The following MRC1 variants were observed in gnomAD, a reference collection of about 807,000 sequenced individuals.
MRC1 encodes mannose receptor C-type 1.
In MRC1, 62 loss-of-function variants were observed where a neutral mutation model predicts 102.9. The ratio of observed to expected loss-of-function variants is 0.60; its 90% CI spans 0.49 to 0.74. The LOEUF is 0.74. MRC1 is among the 30% of genes least tolerant of loss of function. MRC1 has a pLI of 0.00. For synonymous variants in MRC1, 457 were observed against 298.4 expected (o/e 1.53, Z -5.48); for missense variants, 1,237 against 862.8 (o/e 1.43, Z -5.43).
In MRC1 at chr10:17,910,472, A is replaced by G; in HGVS notation, c.*7A>G. 2.6e-6 allele frequency: 2 copies of G among 780,852 alleles called. No homozygotes were observed. Among genetic ancestry groups the G allele is most frequent in the Non-Finnish European group, 4.8e-6 (2 of 417,942 alleles). 48.4% of individuals were successfully genotyped at this position (780,852 alleles called of 1,614,324 possible). A position where few individuals can be genotyped will look rare whatever the true frequency, so the allele number is the denominator to read the frequency against. On this transcript the variant is annotated 3_prime_UTR_variant, in exon 30 of 30. Transcript: ENST00000569591. Reference sequence around the variant, plus strand: ...TGAACACTCGGTCATCTAGTACCTCAATGCGATTCTGAGATATTTGAATTT... The same window carrying G: ...TGAACACTCGGTCATCTAGTACCTCGATGCGATTCTGAGATATTTGAATTT...
At chr10:17,820,543 C>G (rs1014871239) in intron 1 of MRC1, among the ~76,000 whole-genome samples, 1 of 152,074 alleles carries the variant, frequency 6.6e-6, no homozygotes, top group African/African-American at 2.4e-5. Context: ...AGTTAATTGA[C>G]TGAATTTGAC....
At chr10:17,903,402 T>C (rs1188037306) in intron 26 of MRC1, among the ~76,000 whole-genome samples, 2 of 139,336 alleles carry the variant, frequency 1.4e-5, no homozygotes, top group Non-Finnish European at 1.6e-5. Context: ...CTTTTTTTTT[T>C]TTTTTTTTTT....
At chr10:17,827,359 G>T (rs1838492224) in intron 2 of MRC1, among the ~76,000 whole-genome samples, 183 bp from the exon 3 acceptor site, 1 of 53,534 alleles carries the variant, frequency 1.9e-5, no homozygotes, top group African/African-American at 7.1e-5. Flanking sequence ...GAAGGAGAAG[G>T]AAAAAAAATA....
chr10:17,906,342 C>T (rs1833894929), intron 26 of MRC1, among the ~76,000 whole-genome samples: 1 of 148,758 alleles, frequency 6.7e-6, no homozygotes, highest in African/African-American at 2.5e-5. Context: ...GTGCTATACT[C>T]CAGCCAAACC....
chr10:17,877,821 A>T, intron 17 of MRC1, 79 bp from the exon 18 acceptor site: 1 of 864,026 alleles, frequency 1.2e-6, no homozygotes, highest in Non-Finnish European at 2.0e-6. Context: ...AGGCTGCCTC[A>T]TTAACATGTA....
At chr10:17,815,379 G>A (rs200943168) in intron 1 of MRC1, among the ~76,000 whole-genome samples, 30,824 of 152,126 alleles carry the variant, frequency 0.2, 3,395 homozygotes, top group Non-Finnish European at 0.25. Flanking sequence ...AGAGCAGTGT[G>A]GTGTCAGCTT....
intron 1 of MRC1, among the ~76,000 whole-genome samples, chr10:17,817,651 TGTAA>T (rs1838333190): frequency 6.6e-6 from 1 of 152,184 alleles, no homozygotes; most frequent in Non-Finnish European, 1.5e-5. Flanking sequence ...ATTTCTGATG[TGTAA>T]GTATTAAAAA....
At chr10:17,907,319 C>T (rs1362156910) in intron 27 of MRC1, among the ~76,000 whole-genome samples, 8 of 152,074 alleles carry the variant, frequency 5.3e-5, no homozygotes, top group South Asian at 4.1e-4. Flanking sequence ...ATTAGAAATA[C>T]GGTTTTAACT....
chr10:17,886,459 G>A (rs1197549874), intron 22 of MRC1, among the ~76,000 whole-genome samples: 24 of 152,006 alleles, frequency 1.6e-4, no homozygotes, highest in African/African-American at 4.8e-4. Flanking sequence ...CTGGAGTGCA[G>A]TGGCATGATC....
chr10:17,824,547 C>T lies in MRC1; in HGVS notation c.463+1072C>T, dbSNP rs1051874664. 2.6e-3 allele frequency among the ~76,000 whole-genome samples: 398 copies of T among 152,100 alleles called. 1 individual carries two copies. The highest frequency in any genetic ancestry group is 9.0e-3 in the African/African-American group (375 of 41,502). On this transcript the variant is annotated intron_variant, in intron 2 of 29. Coordinates refer to ENST00000569591, the MANE Select transcript of MRC1 (RefSeq NM_002438.4). The stretch of plus-strand genomic sequence containing the variant: ...AGAAGGGAGAGTAGGAATTGAAGTA[C>T]GGTGAGAGAAGGGCTCAGAAATAAG...
chr10:17,900,677 G>T (rs1277040909), intron 24 of MRC1, 111 bp from the exon 25 acceptor site: 4 of 764,030 alleles, frequency 5.2e-6, no homozygotes, highest in Non-Finnish European at 9.7e-6. Flanking sequence ...AATGTTCCAG[G>T]TTCTATGTCA....
At position 17,910,955 on chromosome 10, in the gene MRC1, T is replaced by TTTA. The variant is rs1358806556; in HGVS notation, c.*493_*495dup. 5.6e-6 allele frequency: 1 copy of TTTA among 178,476 alleles called. No homozygotes were observed. Among genetic ancestry groups the TTTA allele is most frequent in the Non-Finnish European group, 1.2e-5 (1 of 82,834 alleles). 11.1% of individuals were successfully genotyped at this position (178,476 alleles called of 1,614,324 possible). ...TATTTCCACTCCAATTATTTAGAAC[T>TTTA]TTATTTGTACATGTGCAGAAGAATA... On this transcript the variant is annotated 3_prime_UTR_variant, in exon 30 of 30. Coordinates refer to ENST00000569591, the MANE Select transcript of MRC1 (RefSeq NM_002438.4).
chr10:17,853,864 C>G (rs934550273), intron 8 of MRC1, among the ~76,000 whole-genome samples: 17 of 152,166 alleles, frequency 1.1e-4, no homozygotes, highest in East Asian at 5.8e-4. Flanking sequence ...GATTAAGAGG[C>G]TGAGTTTTGC....
intron 5 of MRC1, among the ~76,000 whole-genome samples, chr10:17,842,500 G>T (rs1215106281): frequency 2.0e-5 from 3 of 152,148 alleles, no homozygotes; most frequent in Non-Finnish European, 4.4e-5. Flanking sequence ...CTGGAACATG[G>T]AAGGTAAAAA....
intron 12 of MRC1, among the ~76,000 whole-genome samples, chr10:17,868,241 G>A (rs1833305576): frequency 6.6e-6 from 1 of 152,070 alleles, no homozygotes; most frequent in Admixed American, 6.5e-5. Flanking sequence ...CCCAAGACTG[G>A]GTAATTTAAA....
chr10:17,905,015 T>C (rs970186701), intron 26 of MRC1, among the ~76,000 whole-genome samples: 9 of 152,192 alleles, frequency 5.9e-5, no homozygotes, highest in African/African-American at 2.2e-4. Flanking sequence ...AAGGGAAAAG[T>C]CTGTTTGCAC....
intron 2 of MRC1, among the ~76,000 whole-genome samples, chr10:17,826,154 A>T (rs564805530): frequency 6.6e-6 from 1 of 152,120 alleles, no homozygotes; most frequent in South Asian, 2.1e-4. Flanking sequence ...TACAAGCTTT[A>T]TATTATCAAA....
chr10:17,882,624 C>T (rs1180851803), intron 21 of MRC1, among the ~76,000 whole-genome samples: 1 of 152,070 alleles, frequency 6.6e-6, no homozygotes, highest in Non-Finnish European at 1.5e-5. Context: ...GGTGCTCTCT[C>T]AAAAGTTTAT....
intron 4 of MRC1, among the ~76,000 whole-genome samples, chr10:17,836,355 C>G (rs1477232157): frequency 6.6e-6 from 1 of 152,084 alleles, no homozygotes; most frequent in Non-Finnish European, 1.5e-5. Flanking sequence ...CCTTTGGGAC[C>G]CTTCTAATAG....
Sources: allele counts gnomAD v4.1 joint callset (sites outside exome capture counted in the v4.1 genomes callset), GRCh38; gene constraint gnomAD v4.1.1; transcripts MANE v1.5; gene names NCBI Gene and HGNC (gene_info 2026-07-23, HGNC 2026-07-21).